The following SPTBN4 variants were observed in gnomAD, a reference collection of about 807,000 sequenced individuals.
SPTBN4 encodes the protein spectrin beta chain, non-erythrocytic 4.
SPTBN4 carries 96 observed loss-of-function variants against 277.8 expected under a neutral mutation model. That is an observed-to-expected ratio of 0.35 (90% CI 0.29 to 0.41). The LOEUF is 0.41. Ranked by LOEUF, SPTBN4 falls within the 10% of genes least tolerant of loss-of-function variation. The pLI is 1.00. For missense variants in SPTBN4, 3,006 were observed against 3,595.7 expected (o/e 0.84, Z 4.19); for synonymous variants, 1,481 against 1,580.3 (o/e 0.94, Z 1.49).
At chr19:40,520,192 A>G (rs1599759865) in intron 16 of SPTBN4, 41 bp downstream of exon 16, 11 of 1,184,514 alleles carry the variant, frequency 9.3e-6, no homozygotes, top group South Asian at 6.1e-5. Flanking sequence ...GGAGAGTCCG[A>G]GGCCGCGGGG....
chr19:40,568,312 G>A (rs2081117766), intron 31 of SPTBN4, 30 bp downstream of exon 31: 1 of 1,566,954 alleles, frequency 6.4e-7, no homozygotes. Flanking sequence ...ACCAGAAAGT[G>A]AGGGGAGGGG....
intron 18 of SPTBN4, among the ~76,000 whole-genome samples, chr19:40,530,247 C>T (rs944481142): frequency 6.6e-6 from 1 of 152,154 alleles, no homozygotes; most frequent in African/African-American, 2.4e-5. Flanking sequence ...CAGGCGCTCC[C>T]TCCCGGCATT....
In SPTBN4 at chr19:40,560,425, G is replaced by T; in HGVS notation, c.5915+22G>T. The T allele has an allele frequency of 6.2e-7, 1 of 1,613,624 alleles. No homozygotes were observed. Among genetic ancestry groups the T allele is most frequent in the Non-Finnish European group, 8.5e-7 (1 of 1,179,822 alleles). ...CCAGGTGCCCCTCATCCCTCCTCGG[G>T]CTTCCTGCCTCCCCCTGGTGGCCTA... is the stretch of plus-strand genomic sequence containing the variant. On this transcript the variant is annotated intron_variant, in intron 27 of 35. Transcript: ENST00000598249. The surrounding 1 kb of genome is among the most constrained non-coding windows in gnomAD (Gnocchi z 5.2).
intron 24 of SPTBN4, chr19:40,555,039 G>A (rs1235591885): frequency 4.9e-6 from 1 of 206,132 alleles, no homozygotes; most frequent in African/African-American, 2.4e-5. Flanking sequence ...GTGCAGTGGG[G>A]TGATGTTGCC....
intron 20 of SPTBN4, among the ~76,000 whole-genome samples, chr19:40,545,486 T>G (rs2080848961): frequency 6.6e-6 from 1 of 152,210 alleles, no homozygotes; most frequent in African/African-American, 2.4e-5. Context: ...ACCTGCCAAA[T>G]TGCCTTCTAA....
rs779616364 is a variant in SPTBN4 at position 40,554,717 on chromosome 19, G to A, written c.5084+71G>A. 7.1e-6 allele frequency: 11 copies of A among 1,555,106 alleles called. No individual in the cohort carries two copies. The highest frequency in any genetic ancestry group is 2.4e-5 in the South Asian group (2 of 83,694). On this transcript the variant is annotated intron_variant, in intron 24 of 35. Transcript: ENST00000598249. The surrounding 1 kb of genome is among the most constrained non-coding windows in gnomAD (Gnocchi z 5.7). ...TGAAGCTTCGCTGTTGGGAGTTGGCGCAGCGCTGGAATTGGACGTTGGGTG... is the reference window on the plus strand; with the variant it reads ...TGAAGCTTCGCTGTTGGGAGTTGGCACAGCGCTGGAATTGGACGTTGGGTG...
Position 40,513,148 on chromosome 19 carries a change from G to A in SPTBN4, c.2359G>A (p.Asp787Asn). Residue 787 changes from aspartate to asparagine, a missense_variant, in exon 14 of 36, where the codon GAC (aspartate) becomes AAC (asparagine). By Grantham distance (23) the Asp-to-Asn change is conservative (BLOSUM62 1). Coordinates refer to ENST00000598249, the MANE Select transcript of SPTBN4 (RefSeq NM_020971.3). ...CGGCGCTGACCTCGACGGGCTGCTG[G>A]ACTGGCTTCGCGACGCTTACCGCCT... ...QFGADLDGLL[D>N]WLRDAYRLAA... 1 of 1,498,282 alleles carries A rather than the reference G, an allele frequency of 6.7e-7. No homozygotes were observed. Among genetic ancestry groups the A allele is most frequent in the Non-Finnish European group, 8.8e-7 (1 of 1,132,644 alleles). The allele number at this position is 1,498,282 out of a possible 1,614,324, so 92.8% of individuals were successfully genotyped here.
intron 17 of SPTBN4, among the ~76,000 whole-genome samples, chr19:40,524,367 C>T (rs1408505803): frequency 6.6e-6 from 1 of 150,886 alleles, no homozygotes; most frequent in African/African-American, 2.4e-5. Flanking sequence ...AAAAGCTGGG[C>T]GTGGTGATGC....
At chr19:40,520,396 G>A (rs2080513698) in intron 16 of SPTBN4, among the ~76,000 whole-genome samples, 1 of 152,214 alleles carries the variant, frequency 6.6e-6, no homozygotes, top group Non-Finnish European at 1.5e-5. Context: ...TGTCTTATCG[G>A]AGGTGACAGT....
At chr19:40,527,496 C>T (rs1443419642) in intron 17 of SPTBN4, among the ~76,000 whole-genome samples, 3 of 152,058 alleles carry the variant, frequency 2.0e-5, no homozygotes, top group Non-Finnish European at 4.4e-5. Context: ...TGTTAGATTG[C>T]GTTAAGTGCT....
At position 40,513,030 on chromosome 19, in the gene SPTBN4, C is replaced by T. The variant is rs1773485578; in HGVS notation, c.2241C>T (p.Arg747=). 2 of 1,421,502 alleles carry T rather than the reference C, an allele frequency of 1.4e-6. No homozygotes were observed. Among genetic ancestry groups the T allele is most frequent in the Non-Finnish European group, 1.8e-6 (2 of 1,094,790 alleles). The allele number at this position is 1,421,502 out of a possible 1,614,324, so 88.1% of individuals were successfully genotyped here. Residue 747 remains arginine, a synonymous_variant, in exon 14 of 36, where the codon CGC becomes CGT. Coordinates refer to ENST00000598249, the MANE Select transcript of SPTBN4 (RefSeq NM_020971.3). The part of the protein sequence containing the change: ...DTVHLVGLAE[R]AASARRRWQR... ...TGCACCTGGTAGGCCTGGCGGAGCG[C>T]GCGGCGAGCGCCCGGCGCCGCTGGC... is the stretch of plus-strand genomic sequence containing the variant.
Position 40,512,995 on chromosome 19 carries a change from G to A in SPTBN4, c.2206G>A (p.Ala736Thr). 1 of 1,432,126 alleles carries A rather than the reference G, an allele frequency of 7.0e-7. No homozygotes were observed. The highest frequency in any genetic ancestry group is 2.9e-5 in the Admixed American group (1 of 34,008). 88.7% of individuals were successfully genotyped at this position (1,432,126 alleles called of 1,614,324 possible). A position where few individuals can be genotyped will look rare whatever the true frequency, so the allele number is the denominator to read the frequency against. ...VAAGGAVGPG[A>T]DTVHLVGLAE... ...GGCCGGCGGTGCCGTCGGCCCGGGA[G>A]CAGACACCGTGCACCTGGTAGGCCT... Residue 736 changes from alanine (A) to threonine (T), a missense_variant, in exon 14 of 36, where the codon GCA becomes ACA. Ala to Thr is a moderately conservative substitution (Grantham distance 58, BLOSUM62 0). Around this residue, in one of 5 missense-constraint regions of SPTBN4, gnomAD observed 1,759 missense variants for 2,061.5 expected, o/e 0.85. Transcript: ENST00000598249.
chr19:40,517,950 GCAGAAAGA>G (rs2080479154), intron 15 of SPTBN4, among the ~76,000 whole-genome samples: 1 of 152,128 alleles, frequency 6.6e-6, no homozygotes, highest in Non-Finnish European at 1.5e-5. Flanking sequence ...TCTAGAGGGG[GCAGAAAGA>G]CAGTTAAATA....
chr19:40,531,332 GCTGTC>G lies in SPTBN4; in HGVS notation c.3949-1289_3949-1285del, dbSNP rs1320136784. 3.9e-5 allele frequency among the ~76,000 whole-genome samples: 6 copies of G among 152,148 alleles called. No homozygotes were observed. The East Asian group carries it at 1.2e-3, about 29-fold the overall frequency. ...TAGTGTGTGTATGAAGGAGTGTGAT[GCTGTC>G]CTGGACCCCTGGGGAGCACATGCTC... On this transcript the variant is annotated intron_variant, in intron 18 of 35. Coordinates refer to ENST00000598249, the MANE Select transcript of SPTBN4 (RefSeq NM_020971.3).
chr19:40,512,100 G>A (rs902814446), intron 13 of SPTBN4, among the ~76,000 whole-genome samples: 1 of 152,342 alleles, frequency 6.6e-6, no homozygotes, highest in African/African-American at 2.4e-5. Flanking sequence ...TCCAGCCTGG[G>A]CAACAGAGTA....
chr19:40,554,813 C>G lies in SPTBN4; in HGVS notation c.5084+167C>G. The G allele has an allele frequency of 9.6e-7, 1 of 1,036,276 alleles. No individual in the cohort carries two copies. Among genetic ancestry groups the G allele is most frequent in the East Asian group, 2.7e-5 (1 of 37,064 alleles). 64.2% of individuals were successfully genotyped at this position (1,036,276 alleles called of 1,614,324 possible). ...GTGGGCGGGCCGGAATGGGGGGACACGGCTCAGGGATGGTTGAGAGGGTGG... is the reference window on the plus strand; with the variant it reads ...GTGGGCGGGCCGGAATGGGGGGACAGGGCTCAGGGATGGTTGAGAGGGTGG... On this transcript the variant is annotated intron_variant, in intron 24 of 35. Coordinates refer to ENST00000598249, the MANE Select transcript of SPTBN4 (RefSeq NM_020971.3). This position sits in a 1 kb window ranked among gnomAD's most constrained non-coding sequence, Gnocchi z 5.7.
chr19:40,488,524 C>T lies in SPTBN4; in HGVS notation c.321+676C>T, dbSNP rs539802266. 4.6e-5 allele frequency among the ~76,000 whole-genome samples: 7 copies of T among 152,298 alleles called. No homozygotes were observed. The South Asian group carries it at 1.4e-3, about 32-fold the overall frequency. On this transcript the variant is annotated intron_variant, in intron 3 of 35. Coordinates refer to ENST00000598249, the MANE Select transcript of SPTBN4 (RefSeq NM_020971.3). ...AGGAACAAACAGCTGGGCGCTGTGG[C>T]TCATGCCTGTAATCTCAGCACTTTG...
intron 18 of SPTBN4, chr19:40,530,359 C>T: frequency 4.5e-6 from 1 of 223,430 alleles, no homozygotes; most frequent in Non-Finnish European, 7.5e-6. Context: ...AGCCTTGGGG[C>T]GAGTGGTGGT....
At chr19:40,494,729 ATC>A (rs1378084535) in intron 5 of SPTBN4, among the ~76,000 whole-genome samples, 166 bp from the exon 6 acceptor site, 4 of 150,792 alleles carry the variant, frequency 2.7e-5, no homozygotes, top group Non-Finnish European at 5.9e-5. Flanking sequence ...GTATCTACCT[ATC>A]TCTCTCTCTA....
Sources: gnomAD v4.1 joint callset for allele counts (sites outside exome capture counted in the v4.1 genomes callset) on GRCh38, gnomAD v4.1.1 for gene constraint, gnomAD v4.1.1 regional missense constraint, Gnocchi (gnomAD v3.1) non-coding constraint, MANE v1.5 for transcripts, NCBI Gene and HGNC (gene_info 2026-07-23, HGNC 2026-07-21) for gene names.